The following RADIL variants were observed in gnomAD, a reference collection of about 807,000 sequenced individuals.
RADIL encodes Rap associating with DIL domain, also known as ras-associating and dilute domain-containing protein.
Under a neutral mutation model 97.6 loss-of-function variants are expected in RADIL, and 99 were observed. The ratio of observed to expected loss-of-function variants is 1.01; its 90% CI spans 0.86 to 1.20. RADIL has a LOEUF of 1.20. Ranked by LOEUF, RADIL falls within the 50% of genes most tolerant of loss-of-function variation. The pLI is 0.00. For missense variants in RADIL, 1,765 were observed against 1,498.9 expected (o/e 1.18, Z -2.93); for synonymous variants, 803 against 691.8 (o/e 1.16, Z -2.52).
In RADIL at chr7:4,805,566, C is replaced by T; in HGVS notation, c.2290G>A (p.Glu764Lys). 1.9e-6 allele frequency: 3 copies of T among 1,594,868 alleles called. No individual in the cohort carries two copies. Among genetic ancestry groups the T allele is most frequent in the Non-Finnish European group, 8.6e-7 (1 of 1,168,842 alleles). ...TCTCCTGCCCTGGGGCAGGGCTTAC[C>T]TGACCTGAAGGCCTCGGGGCTGTCC... ...AQDSPEAFRS[E>K]DVLESYENPP... Residue 764 changes from glutamate (E) to lysine (K), a missense_variant and splice_region_variant, in exon 10 of 15, where the codon GAG (glutamate) becomes AAG (lysine). Transcript: ENST00000399583.
rs570055005 is a variant in RADIL, at chr7:4,827,666, C to T, written c.1454+4475G>A. Among the ~76,000 whole-genome samples the T allele has an allele frequency of 1.7e-4, 26 of 152,078 alleles. 1 individual carries two copies. The South Asian group carries it at 5.0e-3, about 29-fold the overall frequency. ...ACAGGGCGAGTCTCCATCGCAAAAA[C>T]GAACAAAAAGAAATAAATAAAAAAT... On this transcript the variant is annotated intron_variant, in intron 5 of 14. Transcript: ENST00000399583.
rs949050491 is a variant in RADIL at position 4,835,887 on chromosome 7, G to C, written c.783+471C>G. ...GGGCGACAGCCTGCCTGCTCTGATG[G>C]AAGTGGTGAGAAACGGCTCTGGGCA... On this transcript the variant is annotated intron_variant, in intron 3 of 14. Coordinates refer to ENST00000399583, the MANE Select transcript of RADIL (RefSeq NM_018059.5). The surrounding 1 kb of genome is among the most constrained non-coding windows in gnomAD (Gnocchi z 5.8). Among the ~76,000 whole-genome samples the C allele has an allele frequency of 2.0e-5, 3 of 152,244 alleles. No homozygotes were observed. The highest frequency in any genetic ancestry group is 4.4e-5 in the Non-Finnish European group (3 of 68,048).
At position 4,873,601 on chromosome 7, in the gene RADIL, C is replaced by T. The variant is rs368182301; in HGVS notation, c.535+4004G>A. Among the ~76,000 whole-genome samples, 11 of 152,334 alleles carry T rather than the reference C, an allele frequency of 7.2e-5. No individual in the cohort carries two copies. The highest frequency in any genetic ancestry group is 2.2e-4 in the African/African-American group (9 of 41,578). On this transcript the variant is annotated intron_variant, in intron 2 of 14. Coordinates refer to ENST00000399583, the MANE Select transcript of RADIL (RefSeq NM_018059.5). This position sits in a 1 kb window ranked among gnomAD's most constrained non-coding sequence, Gnocchi z 4.3. ...GGCAGATGTGATCCTGCCATCCCGC[C>T]GTCCTTTTGAAACTACACCACCCAC...
chr7:4,835,839 G>A lies in RADIL; in HGVS notation c.783+519C>T, dbSNP rs1161032401. ...GTGTCCGGCAAGGTGAGGCGAGGTG[G>A]CCCTGCGCCTGGCATTTGCTCGGGG... On this transcript the variant is annotated intron_variant, in intron 3 of 14. Coordinates refer to ENST00000399583, the MANE Select transcript of RADIL (RefSeq NM_018059.5). The surrounding 1 kb of genome is among the most constrained non-coding windows in gnomAD (Gnocchi z 5.8). 2.0e-5 allele frequency among the ~76,000 whole-genome samples: 3 copies of A among 152,266 alleles called. No homozygotes were observed. Among genetic ancestry groups the A allele is most frequent in the Non-Finnish European group, 4.4e-5 (3 of 68,040 alleles).
intron 2 of RADIL, among the ~76,000 whole-genome samples, chr7:4,871,854 T>C (rs774543683): frequency 1.3e-5 from 2 of 152,166 alleles, no homozygotes; most frequent in Non-Finnish European, 2.9e-5. Context: ...GCCCAGTGAG[T>C]GCTGGGGTGG....
chr7:4,856,173 C>T (rs1210193602), intron 2 of RADIL, among the ~76,000 whole-genome samples: 1 of 151,924 alleles, frequency 6.6e-6, no homozygotes, highest in African/African-American at 2.4e-5. Context: ...TCTCAGCTCA[C>T]TGCAACCTTC....
intron 2 of RADIL, among the ~76,000 whole-genome samples, chr7:4,863,045 G>C (rs1273415760): frequency 2.0e-5 from 3 of 152,096 alleles, no homozygotes; most frequent in African/African-American, 7.2e-5. Flanking sequence ...TCTCCCACTT[G>C]TCTCCTGATT....
Position 4,799,911 on chromosome 7 carries a change from G to A in RADIL, c.2983-142C>T, listed in dbSNP as rs937980303. On this transcript the variant is annotated intron_variant, in intron 13 of 14. Transcript: ENST00000399583. ...ACTCATGGTTTCACGCGTCCCTCCA[G>A]AAAAGCAGTGGACACCACCGTCCCC... The A allele has an allele frequency of 7.0e-6, 9 of 1,289,304 alleles. No homozygotes were observed. In the African/African-American group the frequency reaches 1.2e-4, roughly 17 times the overall value. 79.9% of individuals were successfully genotyped at this position (1,289,304 alleles called of 1,614,324 possible).
chr7:4,817,406 A>G lies in RADIL; in HGVS notation c.1616-55T>C. ...CAACGGGCACAGCGCTCAGGAACGC[A>G]GCAACTCAGCCAGCCGCCAGCTCTT... On this transcript the variant is annotated intron_variant, in intron 6 of 14. Transcript: ENST00000399583. The surrounding 1 kb of genome is among the most constrained non-coding windows in gnomAD (Gnocchi z 8.3). 1.3e-6 allele frequency: 2 copies of G among 1,490,884 alleles called. No individual in the cohort carries two copies. The highest frequency in any genetic ancestry group is 1.8e-6 in the Non-Finnish European group (2 of 1,091,636). 92.4% of individuals were successfully genotyped at this position (1,490,884 alleles called of 1,614,324 possible). A position where few individuals can be genotyped will look rare whatever the true frequency, so the allele number is the denominator to read the frequency against.
intron 2 of RADIL, chr7:4,865,317 C>T: frequency 2.0e-6 from 1 of 503,572 alleles, no homozygotes; most frequent in Non-Finnish European, 3.6e-6. Flanking sequence ...AATGATGGCC[C>T]TGCAAGAATA....
rs981779210 is a variant in RADIL at position 4,872,748 on chromosome 7, C to A, written c.535+4857G>T. On this transcript the variant is annotated intron_variant, in intron 2 of 14. Coordinates refer to ENST00000399583, the MANE Select transcript of RADIL (RefSeq NM_018059.5). This position sits in a 1 kb window ranked among gnomAD's most constrained non-coding sequence, Gnocchi z 5.8. ...GGAAAACAAAAACCCAAAGTGCCTG[C>A]GTGCATTTCTACAGGGGGGTAGCAG... Among the ~76,000 whole-genome samples the A allele has an allele frequency of 6.6e-6, 1 of 152,138 alleles. No homozygotes were observed. Among genetic ancestry groups the A allele is most frequent in the Non-Finnish European group, 1.5e-5 (1 of 68,040 alleles).
In RADIL at chr7:4,869,574, C is replaced by T. The variant is rs577056636; in HGVS notation, c.535+8031G>A. ...TTTCCATATAGCTGAAGCCAGTTAT[C>T]CCAACATAATTTACAAAATTCTTTC... On this transcript the variant is annotated intron_variant, in intron 2 of 14. Transcript: ENST00000399583. Among the ~76,000 whole-genome samples the T allele has an allele frequency of 1.0e-3, 158 of 151,386 alleles. 1 individual carries two copies. Among genetic ancestry groups the T allele is most frequent in the Non-Finnish European group, 2.0e-3 (137 of 67,920 alleles).
chr7:4,820,290 CG>C (rs1223305583), intron 6 of RADIL, among the ~76,000 whole-genome samples: 4 of 152,226 alleles, frequency 2.6e-5, no homozygotes, highest in Non-Finnish European at 5.9e-5. Flanking sequence ...GGAGAGGCGA[CG>C]GGCGCTGTAG....
At position 4,880,611 on chromosome 7, in the gene RADIL, C is replaced by T. The variant is rs373855137; in HGVS notation, c.-64-2408G>A. ...GAAGCCTCCAGGCAGCACACACTGG[C>T]AGAGGGTCGGCCACCACCTTTTCAT... is the stretch of plus-strand genomic sequence containing the variant. On this transcript the variant is annotated intron_variant, in intron 1 of 14. Coordinates refer to ENST00000399583, the MANE Select transcript of RADIL (RefSeq NM_018059.5). The surrounding 1 kb of genome is among the most constrained non-coding windows in gnomAD (Gnocchi z 4.5). 1.3e-5 allele frequency among the ~76,000 whole-genome samples: 2 copies of T among 152,334 alleles called. No homozygotes were observed. The highest frequency in any genetic ancestry group is 4.8e-5 in the African/African-American group (2 of 41,578).
chr7:4,817,035 G>A lies in RADIL; in HGVS notation c.1728+204C>T, dbSNP rs1306534415. On this transcript the variant is annotated intron_variant, in intron 7 of 14. Coordinates refer to ENST00000399583, the MANE Select transcript of RADIL (RefSeq NM_018059.5). This position sits in a 1 kb window ranked among gnomAD's most constrained non-coding sequence, Gnocchi z 8.3. ...GAGCTGGGATGGTTCTAGGGCTTCTGTGCGACCTGAGGAGGAGCGGGTGTG... is the reference window on the plus strand; with the variant it reads ...GAGCTGGGATGGTTCTAGGGCTTCTATGCGACCTGAGGAGGAGCGGGTGTG... Among the ~76,000 whole-genome samples, 2 of 152,186 alleles carry A rather than the reference G, an allele frequency of 1.3e-5. No homozygotes were observed. Among genetic ancestry groups the A allele is most frequent in the Admixed American group, 1.3e-4 (2 of 15,288 alleles).
chr7:4,800,187 C>G lies in RADIL; in HGVS notation c.2966G>C (p.Gly989Ala). 2.5e-6 allele frequency: 4 copies of G among 1,608,918 alleles called. No homozygotes were observed. The highest frequency in any genetic ancestry group is 3.4e-6 in the Non-Finnish European group (4 of 1,178,618). Residue 989 changes from glycine to alanine, a missense_variant, in exon 13 of 15, where the codon GGC becomes GCC. Coordinates refer to ENST00000399583, the MANE Select transcript of RADIL (RefSeq NM_018059.5). ...GCCACTCACCATCCCGTCGATCAGG[C>G]CCATCCCCAGCCCGGAGGGGCCTCG... ...LERGPSGLGMGLIDGMHTHLG... is the reference protein window; with the variant it reads ...LERGPSGLGMALIDGMHTHLG...
chr7:4,841,455 C>A (rs1009275412), intron 2 of RADIL, among the ~76,000 whole-genome samples: 1 of 152,228 alleles, frequency 6.6e-6, no homozygotes, highest in Admixed American at 6.5e-5. Context: ...GTGACACCCA[C>A]AAGCGCTGGG....
At position 4,821,900 on chromosome 7, in the gene RADIL, A is replaced by C. The variant is rs1299245195; in HGVS notation, c.1615+494T>G. Among the ~76,000 whole-genome samples, 1 of 152,170 alleles carries C rather than the reference A, an allele frequency of 6.6e-6. No individual in the cohort carries two copies. Among genetic ancestry groups the C allele is most frequent in the Non-Finnish European group, 1.5e-5 (1 of 68,026 alleles). ...CCGAAATGTGTATTTCCCACATCTT[A>C]ATCTGTGAAACCGACATAATCTACA... On this transcript the variant is annotated intron_variant, in intron 6 of 14. Transcript: ENST00000399583. This position sits in a 1 kb window ranked among gnomAD's most constrained non-coding sequence, Gnocchi z 5.2.
intron 9 of RADIL, among the ~76,000 whole-genome samples, chr7:4,806,809 C>T (rs1041977222): frequency 4.6e-5 from 7 of 152,190 alleles, no homozygotes; most frequent in African/African-American, 1.7e-4. Flanking sequence ...GGCGGGAGGG[C>T]GTCACCCTTC....
Sources: gnomAD v4.1 joint callset for allele counts (sites outside exome capture counted in the v4.1 genomes callset) on GRCh38, gnomAD v4.1.1 for gene constraint, Gnocchi (gnomAD v3.1) non-coding constraint, MANE v1.5 for transcripts, NCBI Gene and HGNC (gene_info 2026-07-23, HGNC 2026-07-21) for gene names.